Variants in PLA2G6 observed in about 807,000 individuals in gnomAD.
PLA2G6 encodes the protein 85/88 kDa calcium-independent phospholipase A2.
Under a neutral mutation model 83.8 loss-of-function variants are expected in PLA2G6, and 62 were observed. The observed-to-expected ratio is 0.74, with a 90% CI of 0.60 to 0.91. The LOEUF is 0.91. PLA2G6 is among the 40% of genes least tolerant of loss of function. The pLI is 0.00. For synonymous variants in PLA2G6, 417 were observed against 449.8 expected (o/e 0.93, Z 0.92); for missense variants, 944 against 1,102.0 (o/e 0.86, Z 2.03).
At chr22:38,166,395 G>A (rs1037684166) in intron 2 of PLA2G6, among the ~76,000 whole-genome samples, 1 of 152,120 alleles carries the variant, frequency 6.6e-6, no homozygotes, top group African/African-American at 2.4e-5. Flanking sequence ...AGACTCCAGA[G>A]CTATGACTGT....
intron 10 of PLA2G6, 161 bp downstream of exon 10, chr22:38,126,210 T>A: frequency 1.4e-6 from 1 of 704,566 alleles, no homozygotes; most frequent in Non-Finnish European, 2.6e-6. Context: ...ACACAGGCTC[T>A]CCATGTTCTG....
Position 38,132,984 on chromosome 22 carries a change from G to A in PLA2G6, c.924C>T (p.Cys308=). 6.4e-7 allele frequency: 1 copy of A among 1,567,762 alleles called. No homozygotes were observed. Among genetic ancestry groups the A allele is most frequent in the South Asian group, 1.2e-5 (1 of 85,296 alleles). Residue 308 remains cysteine (C), a synonymous_variant, in exon 7 of 17, where the codon TGC becomes TGT. Coordinates refer to ENST00000332509, the MANE Select transcript of PLA2G6 (RefSeq NM_003560.4). The surrounding 1 kb of genome is among the most constrained non-coding windows in gnomAD (Gnocchi z 5.0). Reference sequence around the variant, plus strand: ...CCGCGGAGCTGGTGCTGTTCACGTTGCAGCCCCGTTTCAGCAGCATGCGGG... The same window carrying A: ...CCGCGGAGCTGGTGCTGTTCACGTTACAGCCCCGTTTCAGCAGCATGCGGG... ...EMARMLLKRG[C]NVNSTSSAGN... is the part of the protein sequence containing the mutation.
intron 15 of PLA2G6, 42 bp from the exon 16 acceptor site, chr22:38,112,619 GC>G: frequency 6.7e-7 from 1 of 1,498,706 alleles, no homozygotes; most frequent in Non-Finnish European, 9.1e-7. Context: ...CCCACACCCC[GC>G]CCGGCCCGCA....
intron 5 of PLA2G6, chr22:38,138,183 G>A (rs1427208379): frequency 6.6e-6 from 1 of 152,460 alleles, no homozygotes; most frequent in Non-Finnish European, 1.5e-5. Context: ...AAGCAAGAGT[G>A]GGGCCATGTG....
chr22:38,162,394 A>G (rs902315058), intron 2 of PLA2G6, among the ~76,000 whole-genome samples: 1 of 152,068 alleles, frequency 6.6e-6, no homozygotes, highest in African/African-American at 2.4e-5. Context: ...CAGGCCATGG[A>G]GTCCATGCTG....
chr22:38,124,123 C>T (rs918035288), intron 10 of PLA2G6, among the ~76,000 whole-genome samples: 1 of 152,068 alleles, frequency 6.6e-6, no homozygotes, highest in Non-Finnish European at 1.5e-5. Context: ...GCACGAGCCA[C>T]CGTGCCCAGC....
chr22:38,173,578 C>G (rs563739250), intron 1 of PLA2G6, among the ~76,000 whole-genome samples: 1 of 152,154 alleles, frequency 6.6e-6, no homozygotes, highest in Non-Finnish European at 1.5e-5. Context: ...CACCCATCCT[C>G]TGTCAAAACC....
chr22:38,181,455 G>C (rs375683362), intron 1 of PLA2G6, among the ~76,000 whole-genome samples: 268 of 152,158 alleles, frequency 1.8e-3, no homozygotes, highest in African/African-American at 6.2e-3. Flanking sequence ...GAGATGGATT[G>C]ACTCGGGAAG....
At chr22:38,135,121 T>C (rs1324036789) in intron 5 of PLA2G6, 37 bp from the exon 6 acceptor site, 6 of 1,451,744 alleles carry the variant, frequency 4.1e-6, no homozygotes, top group Non-Finnish European at 4.8e-6. Context: ...GAGCAGAAGC[T>C]AGGGTCTGCG....
At chr22:38,174,683 G>C (rs2145954604) in intron 1 of PLA2G6, among the ~76,000 whole-genome samples, 1 of 152,344 alleles carries the variant, frequency 6.6e-6, no homozygotes, top group East Asian at 1.9e-4. Flanking sequence ...AGATGAAGCA[G>C]ATCAGAACAC....
In PLA2G6 at chr22:38,123,327, T is replaced by A; in HGVS notation, c.1428-69A>T. 1 of 1,481,322 alleles carries A rather than the reference T, an allele frequency of 6.8e-7. No homozygotes were observed. The highest frequency in any genetic ancestry group is 9.2e-7 in the Non-Finnish European group (1 of 1,086,456). The allele number at this position is 1,481,322 out of a possible 1,614,324, so 91.8% of individuals were successfully genotyped here. On this transcript the variant is annotated intron_variant, in intron 10 of 16. Transcript: ENST00000332509. The surrounding 1 kb of genome is among the most constrained non-coding windows in gnomAD (Gnocchi z 4.1). ...GCCCAGTACTTTACATCCACCCTCATAGCCCTTGTCCCCTGCAGCTGTGTC... is the reference window on the plus strand; with the variant it reads ...GCCCAGTACTTTACATCCACCCTCAAAGCCCTTGTCCCCTGCAGCTGTGTC...
rs1240429466 is a variant in PLA2G6, at chr22:38,169,420, A to G, written c.7T>C (p.Phe3Leu). The G allele has an allele frequency of 6.2e-7, 1 of 1,614,094 alleles. No homozygotes were observed. The highest frequency in any genetic ancestry group is 1.7e-5 in the Admixed American group (1 of 60,008). The change falls in exon 2 of 17, where the codon TTC becomes CTC. Residue 3 changes from phenylalanine to leucine, a missense_variant. Transcript: ENST00000332509. ...AAGGTATTGACCAGGCGGCCAAAGA[A>G]CTGCATCTTCTGCGGGGCAGGTGGG... Reference protein sequence around the residue: MQFFGRLVNTFSG... With the variant: MQLFGRLVNTFSG...
chr22:38,168,969 C>A (rs1457837099), intron 2 of PLA2G6, among the ~76,000 whole-genome samples: 1 of 152,160 alleles, frequency 6.6e-6, no homozygotes, highest in Admixed American at 6.5e-5. Context: ...CCATATAGGT[C>A]GAGCCTCCAG....
At position 38,115,674 on chromosome 22, in the gene PLA2G6, C is replaced by A; in HGVS notation, c.1887G>T (p.Leu629=). 1.9e-6 allele frequency: 3 copies of A among 1,602,138 alleles called. No individual in the cohort carries two copies. Among genetic ancestry groups the A allele is most frequent in the East Asian group, 2.2e-5 (1 of 44,486 alleles). The part of the protein sequence containing the change: ...LRPPAQPSDQ[L]VWRAARSSGA... ...CGCTGCTTCGGGCCGCCCGCCACAC[C>A]AGCTGGTCTAGGGGCGGGGAAGGAG... Residue 629 remains leucine, a synonymous_variant, in exon 14 of 17, where the codon CTG becomes CTT. Coordinates refer to ENST00000332509, the MANE Select transcript of PLA2G6 (RefSeq NM_003560.4).
chr22:38,126,759 T>G, intron 9 of PLA2G6: 2 of 423,006 alleles, frequency 4.7e-6, no homozygotes, highest in Non-Finnish European at 9.0e-6. Flanking sequence ...AAGGCATGAA[T>G]ACCCTTGCGT....
chr22:38,172,155 G>A (rs761408267), intron 1 of PLA2G6, among the ~76,000 whole-genome samples: 15 of 152,118 alleles, frequency 9.9e-5, no homozygotes, highest in African/African-American at 1.4e-4. Context: ...AAAGCTTTAC[G>A]TACATTAATC....
In PLA2G6 at chr22:38,181,413, C is replaced by T. The variant is rs565217002; in HGVS notation, c.-46+251G>A. Reference sequence around the variant, plus strand: ...GGAAAATTAGGACGGCCAATGGGGCCTAAAGAGGCACTGAGGGTCGGGGAA... The same window carrying T: ...GGAAAATTAGGACGGCCAATGGGGCTTAAAGAGGCACTGAGGGTCGGGGAA... On this transcript the variant is annotated intron_variant, in intron 1 of 16. Coordinates refer to ENST00000332509, the MANE Select transcript of PLA2G6 (RefSeq NM_003560.4). Among the ~76,000 whole-genome samples the T allele has an allele frequency of 3.9e-5, 6 of 152,140 alleles. No homozygotes were observed. The East Asian group carries it at 1.2e-3, about 29-fold the overall frequency.
intron 2 of PLA2G6, among the ~76,000 whole-genome samples, chr22:38,168,588 G>A (rs1370375059): frequency 1.3e-5 from 2 of 152,136 alleles, no homozygotes; most frequent in Non-Finnish European, 2.9e-5. Flanking sequence ...AGTGGCTCAC[G>A]CCTGCAATCC....
intron 2 of PLA2G6, among the ~76,000 whole-genome samples, chr22:38,159,541 T>C (rs973014452): frequency 6.6e-6 from 1 of 152,132 alleles, no homozygotes; most frequent in African/African-American, 2.4e-5. Flanking sequence ...CCAGCCTGGG[T>C]AACTTGATGA....
Sources: allele counts gnomAD v4.1 joint callset (sites outside exome capture counted in the v4.1 genomes callset), GRCh38; gene constraint gnomAD v4.1.1; non-coding constraint Gnocchi (gnomAD v3.1); transcripts MANE v1.5; gene names NCBI Gene and HGNC (gene_info 2026-07-23, HGNC 2026-07-21).